ZNF385D: variants seen among roughly 807,000 people sequenced by gnomAD.
ZNF385D encodes the protein zinc finger protein 659.
In ZNF385D, 15 loss-of-function variants were observed where a neutral mutation model predicts 35.8. The observed-to-expected ratio is 0.42, with a 90% CI of 0.28 to 0.64. ZNF385D has a LOEUF of 0.64. Ranked by LOEUF, ZNF385D falls within the 30% of genes least tolerant of loss-of-function variation. The pLI is 0.23. For synonymous variants in ZNF385D, 212 were observed against 186.8 expected (o/e 1.13, Z -1.10); for missense variants, 474 against 494.6 (o/e 0.96, Z 0.39).
At chr3:22,362,929 A>G (rs1696481634) in intron 2 of ZNF385D, among the ~76,000 whole-genome samples, 1 of 152,108 alleles carries the variant, frequency 6.6e-6, no homozygotes, top group Admixed American at 6.5e-5. Flanking sequence ...GCATTGCAAG[A>G]GGCAGAAAGA....
intron 2 of ZNF385D, among the ~76,000 whole-genome samples, chr3:21,627,514 G>A (rs975055093): frequency 3.3e-5 from 5 of 152,004 alleles, no homozygotes; most frequent in African/African-American, 1.2e-4. Flanking sequence ...CAGATCAAGT[G>A]TCTATTTCTC....
chr3:21,920,262 T>C (rs1196115420), intron 3 of ZNF385D, among the ~76,000 whole-genome samples: 2 of 152,158 alleles, frequency 1.3e-5, no homozygotes, highest in Non-Finnish European at 2.9e-5. Flanking sequence ...TATTGTGACT[T>C]AACACTATGA....
intron 3 of ZNF385D, among the ~76,000 whole-genome samples, chr3:21,838,368 G>C (rs1299912132): frequency 6.6e-6 from 1 of 152,118 alleles, no homozygotes; most frequent in Non-Finnish European, 1.5e-5. Context: ...AAAAACAAAG[G>C]TGATGGTCAG....
intron 2 of ZNF385D, among the ~76,000 whole-genome samples, chr3:21,636,400 A>AAT (rs2065446786): frequency 2.4e-5 from 1 of 41,932 alleles, no homozygotes; most frequent in Non-Finnish European, 4.6e-5. Context: ...ATATATATAT[A>AAT]TATATATATA....
At chr3:21,878,333 T>C (rs1247159036) in intron 3 of ZNF385D, among the ~76,000 whole-genome samples, 1 of 152,014 alleles carries the variant, frequency 6.6e-6, no homozygotes, top group Non-Finnish European at 1.5e-5. Flanking sequence ...CATGAACTCA[T>C]TTAAATACAA....
chr3:21,611,075 G>A (rs2064662434), intron 2 of ZNF385D, among the ~76,000 whole-genome samples: 1 of 152,190 alleles, frequency 6.6e-6, no homozygotes, highest in Admixed American at 6.5e-5. Flanking sequence ...GCAAGGAATA[G>A]AATCTCCATG....
chr3:22,266,668 T>C (rs145475072), intron 2 of ZNF385D, among the ~76,000 whole-genome samples: 26 of 151,980 alleles, frequency 1.7e-4, no homozygotes, highest in African/African-American at 5.3e-4. Flanking sequence ...AAATTTTCTA[T>C]TCTGGTACAA....
At chr3:21,987,939 C>T (rs1694907613) in intron 3 of ZNF385D, among the ~76,000 whole-genome samples, 1 of 146,770 alleles carries the variant, frequency 6.8e-6, no homozygotes, top group African/African-American at 2.5e-5. Flanking sequence ...TTGCTGATAC[C>T]CTTTCTTCCA....
intron 2 of ZNF385D, among the ~76,000 whole-genome samples, chr3:21,593,349 A>ATCTT (rs1290814126): frequency 2.6e-5 from 4 of 152,060 alleles, no homozygotes; most frequent in African/African-American, 9.7e-5. Flanking sequence ...TCCTAGACAA[A>ATCTT]TCTTTTTTTC....
rs916656918 is a variant in ZNF385D at position 21,983,169 on chromosome 3, T to A, written c.325+185648A>T. 1.6e-3 allele frequency among the ~76,000 whole-genome samples: 229 copies of A among 147,004 alleles called. 2 individuals are homozygous for A. Among genetic ancestry groups the A allele is most frequent in the East Asian group, 0.011 (55 of 5,018 alleles). On this transcript the variant is annotated intron_variant, in intron 3 of 5. Transcript: ENST00000494108. ...ATTTTATTTTATTTTATTTTATTAT[T>A]TTTTTTTATTATACTTTAAGTTTTA...
In ZNF385D at chr3:22,129,493, T is replaced by A. The variant is rs116134930; in HGVS notation, c.325+39324A>T. 8.4e-3 allele frequency among the ~76,000 whole-genome samples: 1,272 copies of A among 151,940 alleles called. 12 individuals are homozygous for A. The highest frequency in any genetic ancestry group is 0.023 in the South Asian group (109 of 4,810). The stretch of plus-strand genomic sequence containing the variant: ...GGACTGGTATCAGGGACTTTAGGAA[T>A]TGGCTTGGTGCTTTCTTTTACTGGG... On this transcript the variant is annotated intron_variant, in intron 3 of 5. Transcript: ENST00000494108.
intron 2 of ZNF385D, among the ~76,000 whole-genome samples, chr3:21,572,762 G>A (rs1261697619): frequency 2.0e-5 from 3 of 152,148 alleles, no homozygotes; most frequent in African/African-American, 7.2e-5. Context: ...AACCTGGAAA[G>A]AGTAGAAACA....
intron 3 of ZNF385D, among the ~76,000 whole-genome samples, chr3:21,787,125 G>GA (rs35178796): frequency 0.08 from 12,132 of 152,048 alleles, 657 homozygotes; most frequent in Middle Eastern, 0.12. Context: ...GAGAATGGAG[G>GA]AAAAAACACC....
chr3:21,975,854 T>G (rs2125354296), intron 3 of ZNF385D, among the ~76,000 whole-genome samples: 1 of 151,626 alleles, frequency 6.6e-6, no homozygotes, highest in Middle Eastern at 3.4e-3. Flanking sequence ...AATCAATACC[T>G]GTTCTTCCAT....
At chr3:21,571,656 T>G (rs1432018023) in intron 2 of ZNF385D, among the ~76,000 whole-genome samples, 1 of 152,172 alleles carries the variant, frequency 6.6e-6, no homozygotes, top group Non-Finnish European at 1.5e-5. Flanking sequence ...GTCACAAGTT[T>G]GAGGGTCCAC....
intron 2 of ZNF385D, among the ~76,000 whole-genome samples, chr3:22,292,343 T>C (rs1456934038): frequency 6.6e-6 from 1 of 152,106 alleles, no homozygotes; most frequent in Non-Finnish European, 1.5e-5. Flanking sequence ...CTCGTTTCTT[T>C]AGATATTTCA....
At chr3:21,954,496 C>A (rs1437186212) in intron 3 of ZNF385D, among the ~76,000 whole-genome samples, 1 of 152,002 alleles carries the variant, frequency 6.6e-6, no homozygotes, top group African/African-American at 2.4e-5. Context: ...TAAACTTTCT[C>A]ATTTTGCAGC....
At chr3:22,012,352 C>T (rs977049692) in intron 3 of ZNF385D, among the ~76,000 whole-genome samples, 5 of 152,190 alleles carry the variant, frequency 3.3e-5, no homozygotes, top group East Asian at 1.9e-4. Flanking sequence ...ATCCTAAGGA[C>T]ATAACATGCT....
chr3:21,876,106 T>C (rs1042749785), intron 3 of ZNF385D, among the ~76,000 whole-genome samples: 1 of 152,112 alleles, frequency 6.6e-6, no homozygotes, highest in Admixed American at 6.6e-5. Context: ...TAATATTCAG[T>C]TTAAGCTGTG....
Sources: gnomAD v4.1 joint callset for allele counts (sites outside exome capture counted in the v4.1 genomes callset) on GRCh38, gnomAD v4.1.1 for gene constraint, MANE v1.5 for transcripts, NCBI Gene and HGNC (gene_info 2026-07-23, HGNC 2026-07-21) for gene names.